The following BBX variants were observed in gnomAD, a reference collection of about 807,000 sequenced individuals.
The protein encoded by BBX is BBX high mobility group box domain containing, also known as HMG box transcription factor BBX.
In BBX, 30 loss-of-function variants were observed where a neutral mutation model predicts 100.2. The ratio of observed to expected loss-of-function variants is 0.30; its 90% confidence interval spans 0.22 to 0.41. The LOEUF is 0.41. Ranked by LOEUF, BBX falls within the 10% of genes least tolerant of loss-of-function variation. The probability of loss-of-function intolerance (pLI) is 1.00; values close to 1 mark genes in which losing one functional copy is unlikely to be tolerated. For synonymous variants in BBX, 376 were observed against 388.1 expected, an observed-to-expected ratio of 0.97 and a Z score of 0.37; for missense variants, 1,023 against 1,129.8, an observed-to-expected ratio of 0.91 and a Z score of 1.35.
intron 13 of BBX, among the ~76,000 whole-genome samples, chr3:107,779,028 C>T (rs201664249): frequency 0.68 from 57,539 of 84,462 alleles, 19,778 homozygotes; most frequent in East Asian, 0.97. Flanking sequence ...TATACACACA[C>T]ACACACACAT....
chr3:107,576,776 G>A lies in BBX; in HGVS notation c.-84+50378G>A, dbSNP rs535817952. Among the ~76,000 whole-genome samples the A allele has an allele frequency of 3.3e-5, 5 of 152,104 alleles. No individual in the cohort carries two copies. In the South Asian group the frequency reaches 1.0e-3, roughly 32 times the overall value. On this transcript the variant is annotated intron_variant, in intron 2 of 17. Coordinates refer to ENST00000325805, the MANE Select transcript of BBX (RefSeq NM_001142568.3). ...TTAACATTAGGGGCTTATATCTTTG[G>A]TTACAAGGGATTGACCAAAACGCAC... is the stretch of plus-strand genomic sequence containing the variant.
intron 2 of BBX, among the ~76,000 whole-genome samples, chr3:107,570,168 T>C (rs1338961755): frequency 6.6e-6 from 1 of 152,174 alleles, no homozygotes; most frequent in Non-Finnish European, 1.5e-5. Context: ...TATGAAGTTC[T>C]TGTGTGCTGG....
intron 4 of BBX, among the ~76,000 whole-genome samples, chr3:107,713,406 G>A (rs2061857044): frequency 6.6e-6 from 1 of 152,114 alleles, no homozygotes; most frequent in African/African-American, 2.4e-5. Flanking sequence ...TCCCTCCACT[G>A]CTTAAAGTCA....
intron 2 of BBX, among the ~76,000 whole-genome samples, chr3:107,622,018 G>C (rs773722017): frequency 4.6e-5 from 7 of 152,020 alleles, no homozygotes; most frequent in Non-Finnish European, 1.0e-4. Context: ...TATAGATTTC[G>C]TGTACAGTTC....
At chr3:107,566,499 A>G (rs2050925756) in intron 2 of BBX, among the ~76,000 whole-genome samples, 1 of 151,376 alleles carries the variant, frequency 6.6e-6, no homozygotes, top group Non-Finnish European at 1.5e-5. Flanking sequence ...AGTCACTTAG[A>G]GTGAGAATTA....
chr3:107,638,826 CACACACAG>C (rs1338608567), intron 2 of BBX, among the ~76,000 whole-genome samples: 22 of 126,136 alleles, frequency 1.7e-4, no homozygotes, highest in Non-Finnish European at 2.7e-4. Context: ...CACACACACA[CACACACAG>C]ACAAATTAGC....
chr3:107,743,702 T>C (rs9880814), intron 7 of BBX, among the ~76,000 whole-genome samples: 31 of 152,272 alleles, frequency 2.0e-4, no homozygotes, highest in African/African-American at 7.5e-4. Context: ...ATCCATCAAA[T>C]ATAATCACAT....
intron 10 of BBX, among the ~76,000 whole-genome samples, chr3:107,760,828 T>A (rs1204127384): frequency 6.6e-6 from 1 of 152,254 alleles, no homozygotes; most frequent in Admixed American, 6.5e-5. Context: ...TATATTTTGT[T>A]GACCTATATC....
chr3:107,526,953 A>C (rs2047825029), intron 2 of BBX, among the ~76,000 whole-genome samples: 1 of 152,216 alleles, frequency 6.6e-6, no homozygotes, highest in Admixed American at 6.5e-5. Context: ...ATTGATCATA[A>C]TTTCTTTTAA....
At chr3:107,757,661 T>C (rs1157158295) in intron 10 of BBX, among the ~76,000 whole-genome samples, 2 of 152,204 alleles carry the variant, frequency 1.3e-5, no homozygotes, top group Non-Finnish European at 2.9e-5. Context: ...CTTAAGTATA[T>C]GCACAATGGA....
At chr3:107,658,107 T>G (rs2058248625) in intron 3 of BBX, among the ~76,000 whole-genome samples, 1 of 152,142 alleles carries the variant, frequency 6.6e-6, no homozygotes, top group Non-Finnish European at 1.5e-5. Flanking sequence ...GTAGCCATGT[T>G]GTATAATCTT....
chr3:107,537,051 G>T (rs1033205450), intron 2 of BBX, among the ~76,000 whole-genome samples: 2 of 152,178 alleles, frequency 1.3e-5, no homozygotes, highest in Admixed American at 1.3e-4. Flanking sequence ...GCATTATAGC[G>T]AATTTTTAAA....
chr3:107,732,839 G>C, intron 6 of BBX, 117 bp from the exon 7 acceptor site: 1 of 818,850 alleles, frequency 1.2e-6, no homozygotes, highest in South Asian at 1.8e-5. Context: ...TTTATAAAAA[G>C]TTATATGTGG....
chr3:107,677,265 G>C (rs1364803428), intron 3 of BBX, among the ~76,000 whole-genome samples: 1 of 152,100 alleles, frequency 6.6e-6, no homozygotes, highest in Non-Finnish European at 1.5e-5. Context: ...CCATTAGTTA[G>C]AAAATAAGCT....
intron 9 of BBX, among the ~76,000 whole-genome samples, chr3:107,752,036 C>T (rs1398008464): frequency 6.6e-6 from 1 of 152,172 alleles, no homozygotes; most frequent in African/African-American, 2.4e-5. Flanking sequence ...AAGCCATGAC[C>T]AATCCACATA....
intron 1 of BBX, among the ~76,000 whole-genome samples, chr3:107,525,088 G>C (rs2047658137): frequency 1.3e-5 from 2 of 149,752 alleles, no homozygotes; most frequent in Non-Finnish European, 3.0e-5. Flanking sequence ...GCCCCTGCGC[G>C]CCGCCGCCAC....
At chr3:107,525,861 A>C (rs1431119210) in intron 1 of BBX, among the ~76,000 whole-genome samples, 2 of 152,102 alleles carry the variant, frequency 1.3e-5, no homozygotes, top group Admixed American at 6.5e-5. Context: ...GAGGGCTTCG[A>C]TACCTGGACC....
At chr3:107,798,226 T>C (rs1345105610) in intron 15 of BBX, among the ~76,000 whole-genome samples, 1 of 152,180 alleles carries the variant, frequency 6.6e-6, no homozygotes, top group African/African-American at 2.4e-5. Context: ...AGGACATAAT[T>C]TACTCAGATT....
intron 9 of BBX, among the ~76,000 whole-genome samples, chr3:107,750,882 GT>G (rs2065027133): frequency 6.6e-6 from 1 of 152,174 alleles, no homozygotes; most frequent in African/African-American, 2.4e-5. Context: ...TGAAATTCTT[GT>G]TTTAATTAGT....
Sources: gnomAD v4.1 joint callset for allele counts (sites outside exome capture counted in the v4.1 genomes callset) on GRCh38, gnomAD v4.1.1 for gene constraint, MANE v1.5 for transcripts, NCBI Gene and HGNC (gene_info 2026-07-23, HGNC 2026-07-21) for gene names.